PCNX2: variants seen among roughly 807,000 people sequenced by gnomAD.
The protein encoded by PCNX2 is pecanex-like protein 2.
PCNX2 carries 168 observed loss-of-function variants against 223.8 expected under a neutral mutation model. That is an observed-to-expected ratio of 0.75 (90% confidence interval 0.66 to 0.85). The LOEUF (loss-of-function observed/expected upper bound fraction) is 0.85, where lower values mean the gene tolerates loss of function less well. PCNX2 is among the 40% of genes least tolerant of loss of function. The probability of loss-of-function intolerance (pLI) is 0.00; values close to 1 mark genes in which losing one functional copy is unlikely to be tolerated. For synonymous variants in PCNX2, 1,006 were observed against 1,052.6 expected (o/e 0.96, Z 0.86); for missense variants, 2,507 against 2,675.5 (o/e 0.94, Z 1.39).
chr1:233,186,658 T>C (rs1161757141), intron 15 of PCNX2, among the ~76,000 whole-genome samples: 1 of 152,234 alleles, frequency 6.6e-6, no homozygotes, highest in East Asian at 1.9e-4. Context: ...TGAACAATTA[T>C]GTGAACACAT....
chr1:233,192,615 C>A (rs75097788), intron 15 of PCNX2, among the ~76,000 whole-genome samples: 1,961 of 149,880 alleles, frequency 0.013, 22 homozygotes, highest in South Asian at 0.039. Context: ...ACATTTACAT[C>A]AAAAAAAAAG....
chr1:233,235,337 G>A (rs1055159697), intron 9 of PCNX2, among the ~76,000 whole-genome samples: 24 of 152,278 alleles, frequency 1.6e-4, no homozygotes, highest in African/African-American at 5.5e-4. Flanking sequence ...CCAGGCTAGA[G>A]TGCAGTGGTA....
intron 23 of PCNX2, among the ~76,000 whole-genome samples, chr1:233,068,220 A>G (rs550251709): frequency 1.3e-5 from 2 of 152,208 alleles, no homozygotes; most frequent in Non-Finnish European, 2.9e-5. Flanking sequence ...TACAGTGAAG[A>G]TATCCTTTTG....
chr1:233,145,893 T>A (rs554898416), intron 19 of PCNX2, among the ~76,000 whole-genome samples: 1 of 152,308 alleles, frequency 6.6e-6, no homozygotes, highest in African/African-American at 2.4e-5. Context: ...AACCATTAGG[T>A]GTCTGCCAGA....
At chr1:233,070,036 C>A (rs551018554) in intron 23 of PCNX2, among the ~76,000 whole-genome samples, 57 of 152,206 alleles carry the variant, frequency 3.7e-4, no homozygotes, top group South Asian at 2.9e-3. Flanking sequence ...GTATACACTA[C>A]AGACCCTGCC....
chr1:233,119,497 A>G (rs1187713131), intron 21 of PCNX2, among the ~76,000 whole-genome samples: 2 of 149,098 alleles, frequency 1.3e-5, no homozygotes, highest in East Asian at 4.0e-4. Flanking sequence ...AGGAAGGAGA[A>G]TGCTGTGAAC....
intron 25 of PCNX2, chr1:233,032,111 CT>C (rs756565967): frequency 2.1e-5 from 12 of 583,270 alleles, no homozygotes; most frequent in Middle Eastern, 1.1e-3. Context: ...TTCTTTCTTT[CT>C]TTTTTTTGAG....
intron 25 of PCNX2, among the ~76,000 whole-genome samples, chr1:233,039,355 G>T (rs1488015767): frequency 6.6e-6 from 1 of 152,168 alleles, no homozygotes; most frequent in African/African-American, 2.4e-5. Context: ...TGGTGACTGT[G>T]TGGCCATGGG....
chr1:233,248,264 G>C (rs548476259), intron 8 of PCNX2, among the ~76,000 whole-genome samples: 1 of 151,870 alleles, frequency 6.6e-6, no homozygotes, highest in South Asian at 2.1e-4. Flanking sequence ...ATCCCTCGGA[G>C]AGCCAGCCCC....
At chr1:233,015,363 G>C (rs947127099) in intron 27 of PCNX2, among the ~76,000 whole-genome samples, 1 of 152,102 alleles carries the variant, frequency 6.6e-6, no homozygotes, top group African/African-American at 2.4e-5. Flanking sequence ...GACCATCCTG[G>C]GCAACATAGC....
chr1:233,233,424 C>CTGTGTGTGTGTG (rs57458756), intron 9 of PCNX2, among the ~76,000 whole-genome samples: 49 of 140,340 alleles, frequency 3.5e-4, no homozygotes, highest in African/African-American at 6.7e-4. Context: ...TCCTCTTCTC[C>CTGTGTGTGTGTG]TGTGTGTGTG....
At chr1:233,225,022 C>T (rs997677027) in intron 10 of PCNX2, among the ~76,000 whole-genome samples, 7 of 144,346 alleles carry the variant, frequency 4.8e-5, no homozygotes, top group Non-Finnish European at 7.4e-5. Context: ...ACCTAGATGA[C>T]GAGTTGATAG....
At chr1:233,312,963 C>T in the PCNX2 span, among the ~76,000 whole-genome samples, 2 of 151,770 alleles carry the variant, frequency 1.3e-5, no homozygotes, top group African/African-American at 4.8e-5. Context: ...ACACTGTGTA[C>T]CCAGAAGATT....
chr1:233,179,311 A>T (rs1469714991), intron 15 of PCNX2, 136 bp from the exon 16 acceptor site: 3 of 900,744 alleles, frequency 3.3e-6, no homozygotes, highest in Non-Finnish European at 5.0e-6. Context: ...GCCCACGGAC[A>T]TATAAGCATC....
chr1:233,044,986 T>C (rs995689575), intron 25 of PCNX2, among the ~76,000 whole-genome samples: 5 of 152,146 alleles, frequency 3.3e-5, no homozygotes, highest in Admixed American at 6.5e-5. Context: ...ATTCTTGATA[T>C]AGAATTTGTA....
chr1:233,089,278 C>T (rs1482201723), intron 23 of PCNX2, among the ~76,000 whole-genome samples: 1 of 152,124 alleles, frequency 6.6e-6, no homozygotes, highest in East Asian at 1.9e-4. Flanking sequence ...GGAAGACCTG[C>T]CCCAACACAT....
intron 23 of PCNX2, among the ~76,000 whole-genome samples, chr1:233,067,449 A>G (rs1672667206): frequency 6.7e-6 from 1 of 150,088 alleles, no homozygotes; most frequent in South Asian, 2.1e-4. Flanking sequence ...AGAATCAAAT[A>G]ATAATTTTAC....
chr1:233,042,330 C>T lies in PCNX2; in HGVS notation c.4351+11938G>A, dbSNP rs73105122. 7.7e-3 allele frequency among the ~76,000 whole-genome samples: 1,171 copies of T among 152,312 alleles called. 14 individuals are homozygous for T. The highest frequency in any genetic ancestry group is 0.027 in the African/African-American group (1,127 of 41,574). ...TTCCCTCACTTGCCACTGTAGCAAG[C>T]CCTCCTCTTTCCTTTGCCTGAAATT... On this transcript the variant is annotated intron_variant, in intron 25 of 33. Transcript: ENST00000258229.
At chr1:233,123,222 T>C (rs747002196) in intron 21 of PCNX2, among the ~76,000 whole-genome samples, 7 of 152,192 alleles carry the variant, frequency 4.6e-5, no homozygotes, top group African/African-American at 7.2e-5. Flanking sequence ...GTGGGGTATA[T>C]GGGAATTCTC....
Sources: allele counts gnomAD v4.1 joint callset (sites outside exome capture counted in the v4.1 genomes callset), GRCh38; gene constraint gnomAD v4.1.1; transcripts MANE v1.5; gene names NCBI Gene and HGNC (gene_info 2026-07-23, HGNC 2026-07-21).